The following OOEP variants were observed in gnomAD, a reference collection of about 807,000 sequenced individuals.
OOEP encodes the protein oocyte-expressed protein homolog.
In OOEP, 16 loss-of-function variants were observed where a neutral mutation model predicts 13.7. That is an observed-to-expected ratio of 1.16 (90% CI 0.79 to 1.77). The LOEUF (loss-of-function observed/expected upper bound fraction) is 1.77, where lower values mean the gene tolerates loss of function less well. Among genes scored for constraint, OOEP ranks in the 40% most tolerant of loss-of-function variants. The pLI is 0.00. For synonymous variants in OOEP, 89 were observed against 77.1 expected (o/e 1.15, Z -0.81); for missense variants, 195 against 193.1 (o/e 1.01, Z -0.06).
At chr6:73,372,376 G>T (rs568993917), upstream of OOEP, among the ~76,000 whole-genome samples, 22 of 152,238 alleles carry the variant, frequency 1.4e-4, no homozygotes, top group African/African-American at 4.8e-4. Flanking sequence ...GTTAGTCTCA[G>T]ATACAACTCA....
At chr6:73,372,912 T>C (rs1769081763), upstream of OOEP, among the ~76,000 whole-genome samples, 1 of 150,676 alleles carries the variant, frequency 6.6e-6, no homozygotes, top group Non-Finnish European at 1.5e-5. Context: ...TCTTTCCTTT[T>C]TTTTTTTTTT....
rs532620971 is a variant in OOEP at position 73,386,688 on chromosome 6, G to A, written c.25+7658C>T. ...ATTAACTTGAAAAAGAACTGCAGCC[G>A]GGCGCGGTGGCTCATGCCTGTAATC... On this transcript the variant is annotated intron_variant, in intron 2 of 3. Coordinates refer to the OOEP transcript ENST00000370363. Among the ~76,000 whole-genome samples the A allele has an allele frequency of 2.5e-4, 38 of 151,952 alleles. No homozygotes were observed. The South Asian group carries it at 6.6e-3, about 27-fold the overall frequency.
Position 73,369,215 on chromosome 6 carries a change from G to C in OOEP, c.361C>G (p.Arg121Gly). 2.5e-6 allele frequency: 4 copies of C among 1,610,984 alleles called. No individual in the cohort carries two copies. The highest frequency in any genetic ancestry group is 3.4e-6 in the Non-Finnish European group (4 of 1,178,630). Residue 121 changes from arginine (R) to glycine (G), a missense_variant, in exon 2 of 3, where the codon CGT becomes GGT. By Grantham distance (125) the Arg-to-Gly change is moderately radical (BLOSUM62 -2). Coordinates refer to ENST00000370359, the MANE Select transcript of OOEP (RefSeq NM_001080507.3). Reference sequence around the variant, plus strand: ...TCTCAAAGACCCTCACCTCGGGCACGATGTTCTCGGTGAAACCATGCCAGG... The same window carrying C: ...TCTCAAAGACCCTCACCTCGGGCACCATGTTCTCGGTGAAACCATGCCAGG... ...LCLAWFHREH[R>G]ARAEKMKHLE...
chr6:73,371,766 T>TA (rs755697115), upstream of OOEP, among the ~76,000 whole-genome samples: 6 of 110,314 alleles, frequency 5.4e-5, no homozygotes, highest in Admixed American at 9.2e-5. Flanking sequence ...TAAAAAAAAA[T>TA]AAAAATAAAA....
chr6:73,393,771 C>T (rs1456267110), intron 2 of OOEP, among the ~76,000 whole-genome samples: 4 of 152,032 alleles, frequency 2.6e-5, no homozygotes, highest in African/African-American at 9.7e-5. Flanking sequence ...TGAGTGATCG[C>T]ACCACTGCAC....
intron 2 of OOEP, among the ~76,000 whole-genome samples, chr6:73,388,402 A>G (rs1769303437): frequency 6.6e-6 from 1 of 152,238 alleles, no homozygotes; most frequent in Non-Finnish European, 1.5e-5. Flanking sequence ...ACTCAGAAGG[A>G]CCAAATTTAT....
At chr6:73,393,434 G>C (rs1769378472) in intron 2 of OOEP, among the ~76,000 whole-genome samples, 1 of 152,188 alleles carries the variant, frequency 6.6e-6, no homozygotes, top group Admixed American at 6.5e-5. Flanking sequence ...CTAATCAAAG[G>C]AGTGCACTTG....
chr6:73,391,202 T>G (rs1466753654), intron 2 of OOEP: 1 of 152,324 alleles, frequency 6.6e-6, no homozygotes, highest in Non-Finnish European at 1.5e-5. Context: ...TTCAGAGCAA[T>G]AAGCCAGGTG....
upstream of OOEP, among the ~76,000 whole-genome samples, chr6:73,374,336 GCCC>G (rs1769104955): frequency 6.6e-6 from 1 of 152,058 alleles, no homozygotes; most frequent in South Asian, 2.1e-4. Flanking sequence ...GTATGACTAG[GCCC>G]TTTCCAGGAC....
At chr6:73,372,543 T>C (rs1005802708), upstream of OOEP, among the ~76,000 whole-genome samples, 2 of 152,152 alleles carry the variant, frequency 1.3e-5, no homozygotes, top group African/African-American at 2.4e-5. Context: ...TCTCTCAGCT[T>C]TGGGGAGACC....
At chr6:73,385,359 A>G (rs1769258697) in intron 2 of OOEP, among the ~76,000 whole-genome samples, 1 of 151,680 alleles carries the variant, frequency 6.6e-6, no homozygotes, top group East Asian at 2.0e-4. Context: ...CAACAACAAC[A>G]AAAAAGACAA....
At chr6:73,393,728 G>GTATC (rs1769385205) in intron 2 of OOEP, among the ~76,000 whole-genome samples, 1 of 152,172 alleles carries the variant, frequency 6.6e-6, no homozygotes, top group African/African-American at 2.4e-5. Context: ...TGTGGTGGGA[G>GTATC]TATCACTTGA....
upstream of OOEP, chr6:73,373,153 G>T (rs1582624684): frequency 8.7e-6 from 14 of 1,610,468 alleles, no homozygotes; most frequent in Admixed American, 1.7e-5. Flanking sequence ...TTTTGGAGTT[G>T]TACCTGATTT....
intron 2 of OOEP, among the ~76,000 whole-genome samples, chr6:73,376,344 GTTTTT>G (rs70994194): frequency 9.7e-6 from 1 of 103,558 alleles, no homozygotes; most frequent in African/African-American, 4.0e-5. Flanking sequence ...ACAAGGGGTT[GTTTTT>G]TTTTTTTTTT....
chr6:73,370,873 C>T (rs1301888131), upstream of OOEP, among the ~76,000 whole-genome samples: 1 of 152,106 alleles, frequency 6.6e-6, no homozygotes, highest in Non-Finnish European at 1.5e-5. Context: ...CCTCGACCTC[C>T]CAGGCCTAAG....
At chr6:73,383,126 C>T (rs558174390) in intron 2 of OOEP, among the ~76,000 whole-genome samples, 2 of 152,258 alleles carry the variant, frequency 1.3e-5, no homozygotes, top group African/African-American at 4.8e-5. Flanking sequence ...GTGTGAGCCA[C>T]CACACCTGGC....
chr6:73,381,568 A>G (rs1448172740), intron 2 of OOEP, among the ~76,000 whole-genome samples: 1 of 152,206 alleles, frequency 6.6e-6, no homozygotes, highest in Non-Finnish European at 1.5e-5. Flanking sequence ...AGGAACAGAC[A>G]CTACTTTGCA....
upstream of OOEP, chr6:73,373,263 T>C (rs1183013863): frequency 3.1e-6 from 5 of 1,608,496 alleles, no homozygotes; most frequent in Non-Finnish European, 4.3e-6. Flanking sequence ...TGAGAAGACA[T>C]GGCGAGCAGC....
At chr6:73,394,772 C>CA (rs1554234358) in exon 1 of OOEP, 1 of 1,283,728 alleles carries the variant, frequency 7.8e-7, no homozygotes, top group Non-Finnish European at 1.1e-6. Flanking sequence ...AGAGCGTGGG[C>CA]GGGGGGGCTA....
Sources: allele counts gnomAD v4.1 joint callset (sites outside exome capture counted in the v4.1 genomes callset), GRCh38; gene constraint gnomAD v4.1.1; transcripts MANE v1.5; gene names NCBI Gene and HGNC (gene_info 2026-07-23, HGNC 2026-07-21).